Variants in C2CD2 observed in about 807,000 individuals in gnomAD.
C2CD2 encodes C2 calcium dependent domain containing 2, also known as C2 domain-containing protein 2.
Under a neutral mutation model 74.3 loss-of-function variants are expected in C2CD2, and 43 were observed. That is an observed-to-expected ratio of 0.58 (90% CI 0.45 to 0.75). C2CD2 has a LOEUF of 0.75. Ranked by LOEUF, C2CD2 falls within the 30% of genes least tolerant of loss-of-function variation. The pLI is 0.00. For missense variants in C2CD2, 801 were observed against 916.3 expected (o/e 0.87, Z 1.63); for synonymous variants, 422 against 390.7 (o/e 1.08, Z -0.94).
intron 3 of C2CD2, among the ~76,000 whole-genome samples, chr21:41,919,935 G>C (rs544914844): frequency 1.1e-4 from 16 of 152,306 alleles, no homozygotes; most frequent in South Asian, 4.1e-4. Flanking sequence ...CCTGAGTCCT[G>C]AAGAGTGGGG....
At chr21:41,936,179 C>A (rs927215685) in intron 2 of C2CD2, among the ~76,000 whole-genome samples, 2 of 152,084 alleles carry the variant, frequency 1.3e-5, no homozygotes, top group African/African-American at 4.8e-5. Context: ...GGAATGGAAT[C>A]CCATATTTAC....
chr21:41,918,857 T>TCCC lies in C2CD2; in HGVS notation c.593_595dup (p.Gly198dup). 1 of 1,611,202 alleles carries TCCC rather than the reference T, an allele frequency of 6.2e-7. No individual in the cohort carries two copies. Among genetic ancestry groups the TCCC allele is most frequent in the Non-Finnish European group, 8.5e-7 (1 of 1,177,414 alleles). On this transcript the variant is annotated inframe_insertion and splice_region_variant, in exon 4 of 14. Coordinates refer to ENST00000380486, the MANE Select transcript of C2CD2 (RefSeq NM_015500.2). ...AATCATAAAAACTTACGGACTGACC[T>TCCC]CCCCCAGTGCTTTGGGCTGGATATT... is the stretch of plus-strand genomic sequence containing the variant.
rs115001060 is a variant in C2CD2 at position 41,935,855 on chromosome 21, C to T, written c.378+6292G>A. On this transcript the variant is annotated intron_variant, in intron 2 of 13. Coordinates refer to ENST00000380486, the MANE Select transcript of C2CD2 (RefSeq NM_015500.2). ...CAAGACTCTGTCTCAAAAAAAAAGTCCTGACACCTTGAATGGTGCTGGGAA... is the reference window on the plus strand; with the variant it reads ...CAAGACTCTGTCTCAAAAAAAAAGTTCTGACACCTTGAATGGTGCTGGGAA... Among the ~76,000 whole-genome samples the T allele has an allele frequency of 6.8e-3, 1,031 of 152,068 alleles. 14 individuals carry two copies. The highest frequency in any genetic ancestry group is 0.024 in the African/African-American group (991 of 41,472).
chr21:41,900,371 G>C (rs1228117988), intron 12 of C2CD2, among the ~76,000 whole-genome samples: 1 of 152,212 alleles, frequency 6.6e-6, no homozygotes, highest in Non-Finnish European at 1.5e-5. Flanking sequence ...TAAGATCCAG[G>C]AGTTCTTTGT....
chr21:41,916,204 A>G (rs994595919), intron 5 of C2CD2, among the ~76,000 whole-genome samples: 10 of 151,990 alleles, frequency 6.6e-5, no homozygotes, highest in East Asian at 3.9e-4. Flanking sequence ...TTTTTTTTCA[A>G]TTGCTGAGGG....
At chr21:41,927,225 G>A (rs1329322020) in intron 2 of C2CD2, among the ~76,000 whole-genome samples, 1 of 152,180 alleles carries the variant, frequency 6.6e-6, no homozygotes, top group Non-Finnish European at 1.5e-5. Context: ...AAGTGCAGTG[G>A]CACAATCTTG....
chr21:41,946,799 C>A (rs757769228), intron 1 of C2CD2, among the ~76,000 whole-genome samples: 12 of 152,144 alleles, frequency 7.9e-5, no homozygotes, highest in Non-Finnish European at 1.5e-5. Flanking sequence ...ACAGTGCACA[C>A]CACTTCTGTG....
At chr21:41,921,859 G>T in intron 3 of C2CD2, 113 bp downstream of exon 3, 1 of 663,604 alleles carries the variant, frequency 1.5e-6, no homozygotes, top group Non-Finnish European at 2.7e-6. Context: ...TGACATGAAT[G>T]ATAATTAATA....
Position 41,918,925 on chromosome 21 carries a change from G to C in C2CD2, c.528C>G (p.Leu176=), listed in dbSNP as rs1420492709. The change falls in exon 4 of 14, where the codon CTC becomes CTG. Residue 176 remains leucine (L), a synonymous_variant. Coordinates refer to ENST00000380486, the MANE Select transcript of C2CD2 (RefSeq NM_015500.2). ...CACTGATGAAAGACCAGCTAATCTG[G>C]AGGTCCTCTCTCTTCTCCTTCATGT... ...EFHMKEKRED[L]QISWSFISVP... 6.2e-6 allele frequency: 10 copies of C among 1,614,200 alleles called. No individual in the cohort carries two copies. Among genetic ancestry groups the C allele is most frequent in the Non-Finnish European group, 8.5e-6 (10 of 1,180,004 alleles).
chr21:41,941,871 T>C (rs913058141), intron 2 of C2CD2, among the ~76,000 whole-genome samples: 2 of 152,248 alleles, frequency 1.3e-5, no homozygotes, highest in Non-Finnish European at 1.5e-5. Context: ...ATGAGGTTTT[T>C]GTGTCCAGCT....
In C2CD2 at chr21:41,947,141, C is replaced by CTCTCTCTCTCTCTCTCTCTCTCT. The variant is rs1569084407; in HGVS notation, c.280-4897_280-4896insAGAGAGAGAGAGAGAGAGAGAGA. Among the ~76,000 whole-genome samples, 60 of 20,172 alleles carry CTCTCTCTCTCTCTCTCTCTCTCT rather than the reference C, an allele frequency of 3.0e-3. 1 individual carries two copies. The highest frequency in any genetic ancestry group is 0.013 in the African/African-American group (57 of 4,364). 13.2% of individuals were successfully genotyped at this position (20,172 alleles called of 152,430 possible). A position where few individuals can be genotyped will look rare whatever the true frequency, so the allele number is the denominator to read the frequency against. On this transcript the variant is annotated intron_variant, in intron 1 of 13. Coordinates refer to ENST00000380486, the MANE Select transcript of C2CD2 (RefSeq NM_015500.2). ...CTCTCTCTCTCTCTCTCTCTCTCTCCCTCCCTCCCTCCCTCCCTCTCTCCT... is the reference window on the plus strand; with the variant it reads ...CTCTCTCTCTCTCTCTCTCTCTCTCCTCTCTCTCTCTCTCTCTCTCTCTCTCCCTCCCTCCCTCCCTCTCTCCT...
chr21:41,893,035 G>A (rs755430127), intron 13 of C2CD2, among the ~76,000 whole-genome samples: 33 of 152,220 alleles, frequency 2.2e-4, no homozygotes, highest in Non-Finnish European at 4.0e-4. Flanking sequence ...AGCCAGGCAC[G>A]GTGGCTCAGG....
At chr21:41,932,051 C>A (rs2065267262) in intron 2 of C2CD2, among the ~76,000 whole-genome samples, 1 of 146,118 alleles carries the variant, frequency 6.8e-6, no homozygotes, top group African/African-American at 2.5e-5. Flanking sequence ...CATCCCACCA[C>A]CCCACCTCCA....
chr21:41,945,925 T>C lies in C2CD2; in HGVS notation c.280-3680A>G, dbSNP rs561408163. Among the ~76,000 whole-genome samples, 1 of 152,298 alleles carries C rather than the reference T, an allele frequency of 6.6e-6. No individual in the cohort carries two copies. The highest frequency in any genetic ancestry group is 2.4e-5 in the African/African-American group (1 of 41,568). ...CTCTCAGGGAAGTCCTTTAGAGCAG[T>C]GTGAAAACAGACTGATACAACAATA... is the stretch of plus-strand genomic sequence containing the variant. On this transcript the variant is annotated intron_variant, in intron 1 of 13. Coordinates refer to ENST00000380486, the MANE Select transcript of C2CD2 (RefSeq NM_015500.2). The surrounding 1 kb of genome is among the most constrained non-coding windows in gnomAD (Gnocchi z 4.2).
chr21:41,944,252 C>A (rs900604068), intron 1 of C2CD2, among the ~76,000 whole-genome samples: 2 of 152,142 alleles, frequency 1.3e-5, no homozygotes, highest in Non-Finnish European at 2.9e-5. Context: ...ACGGCTCACG[C>A]CTGTAACCCC....
intron 7 of C2CD2, among the ~76,000 whole-genome samples, chr21:41,910,536 C>G (rs1377047581): frequency 6.6e-6 from 1 of 152,164 alleles, no homozygotes; most frequent in African/African-American, 2.4e-5. Flanking sequence ...TGACCTCTCC[C>G]TTTTGCTGAA....
chr21:41,914,254 T>C (rs560618942), intron 6 of C2CD2, among the ~76,000 whole-genome samples: 4 of 149,834 alleles, frequency 2.7e-5, no homozygotes, highest in Admixed American at 2.7e-4. Context: ...AGCTGCACCT[T>C]GGTCAAGGAT....
At position 41,895,408 on chromosome 21, in the gene C2CD2, A is replaced by G. The variant is rs909573158; in HGVS notation, c.1870+3645T>C. On this transcript the variant is annotated intron_variant, in intron 13 of 13. Transcript: ENST00000380486. The surrounding 1 kb of genome is among the most constrained non-coding windows in gnomAD (Gnocchi z 5.0). ...CTTTGCTGATAGTGAAGTTCACACT[A>G]CGGTCAACAATAGCCGGGGCCATGT... 6.6e-5 allele frequency among the ~76,000 whole-genome samples: 10 copies of G among 152,198 alleles called. No individual in the cohort carries two copies. The highest frequency in any genetic ancestry group is 1.9e-4 in the African/African-American group (8 of 41,440).
chr21:41,897,117 G>A (rs754583383), intron 13 of C2CD2, among the ~76,000 whole-genome samples: 3 of 152,220 alleles, frequency 2.0e-5, no homozygotes, highest in Admixed American at 6.5e-5. Flanking sequence ...CACCTGGCCC[G>A]TGAAGGGAGA....
Sources: allele counts gnomAD v4.1 joint callset (sites outside exome capture counted in the v4.1 genomes callset), GRCh38; gene constraint gnomAD v4.1.1; non-coding constraint Gnocchi (gnomAD v3.1); transcripts MANE v1.5; gene names NCBI Gene and HGNC (gene_info 2026-07-23, HGNC 2026-07-21).